PDE10A: variants seen among roughly 807,000 people sequenced by gnomAD.
The protein encoded by PDE10A is cAMP and cAMP-inhibited cGMP 3',5'-cyclic phosphodiesterase 10A.
PDE10A carries 39 observed loss-of-function variants against 97.7 expected under a neutral mutation model. The ratio of observed to expected loss-of-function variants is 0.40; its 90% CI spans 0.31 to 0.52. The LOEUF is 0.52. Among genes scored for constraint, PDE10A ranks in the 20% least tolerant of loss-of-function variants. The pLI, the probability that PDE10A is intolerant of heterozygous loss-of-function variation, is 0.56. For synonymous variants in PDE10A, 371 were observed against 376.8 expected (o/e 0.98, Z 0.18); for missense variants, 731 against 1,047.8 (o/e 0.70, Z 4.17).
chr6:165,770,035 A>G (rs1331774510), intron 1 of PDE10A, among the ~76,000 whole-genome samples: 1 of 152,208 alleles, frequency 6.6e-6, no homozygotes, highest in Non-Finnish European at 1.5e-5. Context: ...TAACATCTCA[A>G]GAAAACAGAT....
At chr6:165,459,053 A>C (rs1214284742) in intron 3 of PDE10A, among the ~76,000 whole-genome samples, 2 of 152,142 alleles carry the variant, frequency 1.3e-5, no homozygotes, top group Non-Finnish European at 2.9e-5. Context: ...TTTGAAGAAT[A>C]TAGGCCAATT....
In PDE10A at chr6:165,882,633, C is replaced by T. The variant is rs115382948; in HGVS notation, c.-615+104896G>A. On this transcript the variant is annotated intron_variant, in intron 1 of 19. Coordinates refer to the PDE10A transcript ENST00000366882. ...GGCAACCTTCAAAAGCATACAAGGA[C>T]GGCAGCATTTCCACACAGTATTAGC... Among the ~76,000 whole-genome samples the T allele has an allele frequency of 8.0e-3, 1,218 of 152,184 alleles. 16 individuals are homozygous for T. Among genetic ancestry groups the T allele is most frequent in the African/African-American group, 0.028 (1,161 of 41,512 alleles).
intron 1 of PDE10A, among the ~76,000 whole-genome samples, chr6:165,603,775 T>C (rs1787080283): frequency 6.6e-6 from 1 of 152,266 alleles, no homozygotes; most frequent in Non-Finnish European, 1.5e-5. Flanking sequence ...GTATGTGTTA[T>C]TTCTGAAGTT....
intron 1 of PDE10A, among the ~76,000 whole-genome samples, chr6:165,632,841 T>C (rs534232020): frequency 2.0e-5 from 3 of 152,252 alleles, no homozygotes; most frequent in Admixed American, 2.0e-4. Flanking sequence ...CCTACTGACA[T>C]CTGTGGGAGA....
intron 1 of PDE10A, among the ~76,000 whole-genome samples, chr6:165,650,274 ATAAGT>A (rs1789612792): frequency 6.6e-6 from 1 of 152,184 alleles, no homozygotes; most frequent in East Asian, 1.9e-4. Flanking sequence ...TGAATGGGAG[ATAAGT>A]TATATTATTC....
intron 3 of PDE10A, among the ~76,000 whole-genome samples, chr6:165,470,309 T>G (rs917754599): frequency 3.9e-5 from 6 of 152,250 alleles, no homozygotes; most frequent in Admixed American, 1.3e-4. Flanking sequence ...TTCTAACTTA[T>G]GTCTGATCTA....
At chr6:165,452,026 G>A (rs1264491305) in intron 3 of PDE10A, among the ~76,000 whole-genome samples, 1 of 152,212 alleles carries the variant, frequency 6.6e-6, no homozygotes, top group Non-Finnish European at 1.5e-5. Flanking sequence ...TTTGGCTGAT[G>A]ATGGGAGACT....
chr6:165,890,020 C>T (rs1259650118), intron 1 of PDE10A, among the ~76,000 whole-genome samples: 12 of 127,294 alleles, frequency 9.4e-5, no homozygotes, highest in African/African-American at 3.5e-4. Context: ...CTCACTCCCT[C>T]CCTCCTCCCT....
chr6:165,536,784 T>C (rs939994764), intron 2 of PDE10A, among the ~76,000 whole-genome samples: 3 of 151,784 alleles, frequency 2.0e-5, no homozygotes, highest in Admixed American at 2.0e-4. Context: ...ATGACTGTTG[T>C]CAAAAAAGAC....
chr6:165,885,837 AT>A (rs1781617164), intron 1 of PDE10A, among the ~76,000 whole-genome samples: 2 of 152,312 alleles, frequency 1.3e-5, no homozygotes, highest in East Asian at 3.9e-4. Flanking sequence ...GTGTATGCAT[AT>A]GTGTGTTGGA....
chr6:165,573,646 CATT>C (rs1257869974), intron 1 of PDE10A, among the ~76,000 whole-genome samples: 1 of 152,164 alleles, frequency 6.6e-6, no homozygotes, highest in African/African-American at 2.4e-5. Context: ...GATCATAAAA[CATT>C]ATGTGTAATG....
At chr6:165,619,401 AGTG>A (rs1787949561) in intron 1 of PDE10A, among the ~76,000 whole-genome samples, 1 of 142,072 alleles carries the variant, frequency 7.0e-6, no homozygotes, top group Non-Finnish European at 1.5e-5. Flanking sequence ...AGTGTAGTGT[AGTG>A]TAGTCTAGTG....
chr6:165,421,099 A>G (rs966905859), intron 10 of PDE10A, among the ~76,000 whole-genome samples: 1 of 152,228 alleles, frequency 6.6e-6, no homozygotes, highest in East Asian at 1.9e-4. Flanking sequence ...CATAATAGCA[A>G]TAAGACAAAG....
chr6:165,848,009 GTTTA>G (rs112796403), intron 1 of PDE10A, among the ~76,000 whole-genome samples: 2,013 of 152,198 alleles, frequency 0.013, 39 homozygotes, highest in African/African-American at 0.043. Flanking sequence ...AAAAAATTCT[GTTTA>G]TTTATCCCAT....
At chr6:165,459,874 T>C (rs1202598936) in intron 3 of PDE10A, among the ~76,000 whole-genome samples, 1 of 151,908 alleles carries the variant, frequency 6.6e-6, no homozygotes, top group Non-Finnish European at 1.5e-5. Flanking sequence ...AAAAAGAATG[T>C]AGAAAAAAAT....
At chr6:165,338,062 T>C (rs895501693) in intron 20 of PDE10A, among the ~76,000 whole-genome samples, 1 of 152,154 alleles carries the variant, frequency 6.6e-6, no homozygotes, top group African/African-American at 2.4e-5. Context: ...TGAACAGTGG[T>C]AAAATGCGAC....
At chr6:165,736,378 A>G (rs1025894475) in intron 1 of PDE10A, among the ~76,000 whole-genome samples, 2 of 152,170 alleles carry the variant, frequency 1.3e-5, no homozygotes, top group African/African-American at 2.4e-5. Flanking sequence ...GAGATGCATT[A>G]AAGAGGGTAG....
At chr6:165,761,063 G>A (rs1793238456) in intron 1 of PDE10A, among the ~76,000 whole-genome samples, 1 of 152,180 alleles carries the variant, frequency 6.6e-6, no homozygotes, top group Non-Finnish European at 1.5e-5. Context: ...GGAGGGGCCT[G>A]GCCTCTCCCG....
intron 3 of PDE10A, among the ~76,000 whole-genome samples, chr6:165,478,435 A>G (rs1286729140): frequency 6.6e-6 from 1 of 152,112 alleles, no homozygotes; most frequent in African/African-American, 2.4e-5. Context: ...TCTCATTACA[A>G]CCTTCTCCCT....
Sources: allele counts gnomAD v4.1 joint callset (sites outside exome capture counted in the v4.1 genomes callset), GRCh38; gene constraint gnomAD v4.1.1; transcripts MANE v1.5; gene names NCBI Gene and HGNC (gene_info 2026-07-23, HGNC 2026-07-21).